MBD5: variants seen among roughly 807,000 people sequenced by gnomAD.
MBD5 encodes methyl-CpG binding domain protein 5.
Under a neutral mutation model 117.3 loss-of-function variants are expected in MBD5, and 13 were observed. That is an observed-to-expected ratio of 0.11 (90% confidence interval 0.07 to 0.18). The LOEUF (loss-of-function observed/expected upper bound fraction) is 0.18, where lower values mean the gene tolerates loss of function less well. Ranked by LOEUF, MBD5 falls within the 10% of genes least tolerant of loss-of-function variation. The probability of loss-of-function intolerance (pLI) is 1.00; values close to 1 mark genes in which losing one functional copy is unlikely to be tolerated. For missense variants in MBD5, 1,879 were observed against 2,093.8 expected, an observed-to-expected ratio of 0.90 and a Z score of 2.00; for synonymous variants, 727 against 766.4, an observed-to-expected ratio of 0.95 and a Z score of 0.85.
At chr2:148,046,739 A>G (rs1321641593) in intron 1 of MBD5, among the ~76,000 whole-genome samples, 2 of 152,128 alleles carry the variant, frequency 1.3e-5, no homozygotes, top group African/African-American at 2.4e-5. Flanking sequence ...TCCTTAGCTA[A>G]TTAATCTGCC....
chr2:148,354,069 A>G (rs2105253471), intron 4 of MBD5, among the ~76,000 whole-genome samples: 1 of 152,178 alleles, frequency 6.6e-6, no homozygotes, highest in East Asian at 1.9e-4. Flanking sequence ...TTGCATTTCT[A>G]AAATTAATGC....
At chr2:148,223,489 T>C (rs1163266820) in intron 2 of MBD5, among the ~76,000 whole-genome samples, 1 of 152,140 alleles carries the variant, frequency 6.6e-6, no homozygotes, top group Non-Finnish European at 1.5e-5. Context: ...AATCTTGGTA[T>C]GTTGTATTTT....
At chr2:148,093,905 A>G (rs1203201116) in intron 1 of MBD5, among the ~76,000 whole-genome samples, 2 of 152,188 alleles carry the variant, frequency 1.3e-5, no homozygotes, top group Non-Finnish European at 2.9e-5. Flanking sequence ...TACAAGAACT[A>G]CTTATTAAGT....
At chr2:148,274,511 C>T (rs1175755551) in intron 3 of MBD5, among the ~76,000 whole-genome samples, 2 of 151,868 alleles carry the variant, frequency 1.3e-5, no homozygotes, top group Non-Finnish European at 2.9e-5. Context: ...AGGCATAACC[C>T]GATATTTTAC....
chr2:148,110,105 C>A (rs925900358), intron 1 of MBD5, among the ~76,000 whole-genome samples: 2 of 152,086 alleles, frequency 1.3e-5, no homozygotes, highest in Admixed American at 6.5e-5. Context: ...GTAACAGTTA[C>A]AATTTACTAA....
chr2:148,056,766 G>GT (rs1232257273), intron 1 of MBD5, among the ~76,000 whole-genome samples: 7 of 151,800 alleles, frequency 4.6e-5, no homozygotes, highest in Non-Finnish European at 8.8e-5. Context: ...GAGTCCATAC[G>GT]TTTTTTCTAT....
chr2:148,269,151 G>A (rs1558998602), intron 3 of MBD5, among the ~76,000 whole-genome samples: 1 of 151,978 alleles, frequency 6.6e-6, no homozygotes, highest in Non-Finnish European at 1.5e-5. Context: ...TTAAAAGGGA[G>A]CAGCTTTTGT....
chr2:148,457,855 T>C (rs774337747), intron 4 of MBD5, among the ~76,000 whole-genome samples: 1 of 152,184 alleles, frequency 6.6e-6, no homozygotes. Context: ...CACAACTGTG[T>C]AGTTTACGGT....
intron 1 of MBD5, chr2:148,054,898 T>G (rs909272224): frequency 4.6e-5 from 7 of 152,196 alleles, no homozygotes; most frequent in Non-Finnish European, 7.3e-5. Context: ...TATGAGAGTT[T>G]CCATTGTTTT....
chr2:148,118,296 G>A (rs898326973), intron 1 of MBD5, among the ~76,000 whole-genome samples: 9 of 152,104 alleles, frequency 5.9e-5, no homozygotes, highest in African/African-American at 1.9e-4. Flanking sequence ...GCTTATTGCT[G>A]TAAGTCAATT....
At chr2:148,323,392 C>G (rs1702344445) in intron 3 of MBD5, among the ~76,000 whole-genome samples, 1 of 151,474 alleles carries the variant, frequency 6.6e-6, no homozygotes, top group African/African-American at 2.4e-5. Context: ...AATGGTATTT[C>G]TAGTTCTAGA....
intron 3 of MBD5, among the ~76,000 whole-genome samples, chr2:148,315,246 A>G (rs866535818): frequency 6.6e-6 from 1 of 152,284 alleles, no homozygotes; most frequent in Non-Finnish European, 1.5e-5. Context: ...CCTTGCTGAA[A>G]TCCCTCTTAC....
At chr2:148,320,825 A>G (rs1338173332) in intron 3 of MBD5, among the ~76,000 whole-genome samples, 1 of 152,050 alleles carries the variant, frequency 6.6e-6, no homozygotes, top group Non-Finnish European at 1.5e-5. Context: ...AATCTTTTGT[A>G]TTTCTGTGGT....
At chr2:148,107,461 C>T (rs193165552) in intron 1 of MBD5, among the ~76,000 whole-genome samples, 81 of 151,900 alleles carry the variant, frequency 5.3e-4, no homozygotes, top group African/African-American at 1.8e-3. Context: ...TAGCCTCTAC[C>T]TTCTCTCTTT....
At chr2:148,132,726 G>A (rs1343759788) in intron 1 of MBD5, among the ~76,000 whole-genome samples, 1 of 152,102 alleles carries the variant, frequency 6.6e-6, no homozygotes, top group African/African-American at 2.4e-5. Context: ...TTAGCTCAAT[G>A]AGGGTAGGCT....
In MBD5 at chr2:148,037,897, G is replaced by A. The variant is rs1297599255; in HGVS notation, c.-925+16213G>A. On this transcript the variant is annotated intron_variant, in intron 1 of 13. Coordinates refer to ENST00000642680, the MANE Select transcript of MBD5 (RefSeq NM_001378120.1). ...AGACCAATACTAAGGAAATATTTAT[G>A]AGTGATATACATTACAAAAGAACAA... 5.3e-5 allele frequency among the ~76,000 whole-genome samples: 8 copies of A among 152,048 alleles called. No individual in the cohort carries two copies. In the East Asian group the frequency reaches 1.5e-3, roughly 29 times the overall value.
rs535347672 is a variant in MBD5, at chr2:148,025,826, A to G, written c.-925+4142A>G. 5.3e-5 allele frequency: 8 copies of G among 152,264 alleles called. No individual in the cohort carries two copies. The East Asian group carries it at 1.5e-3, about 29-fold the overall frequency. The allele number at this position is 152,264 out of a possible 1,614,324, so 9.4% of individuals were successfully genotyped here. On this transcript the variant is annotated intron_variant, in intron 1 of 13. Coordinates refer to ENST00000642680, the MANE Select transcript of MBD5 (RefSeq NM_001378120.1). ...CAAAATCCTCATAAGAAACTTCCCA[A>G]TTCTAGTTCTAAGTCAGTTGTAATT...
chr2:148,097,076 A>C (rs963330880), intron 1 of MBD5, among the ~76,000 whole-genome samples: 1 of 152,166 alleles, frequency 6.6e-6, no homozygotes, highest in Admixed American at 6.5e-5. Context: ...TATAAAAAGG[A>C]ATATTATATA....
chr2:148,316,069 C>T (rs1702149710), intron 3 of MBD5, among the ~76,000 whole-genome samples: 1 of 152,120 alleles, frequency 6.6e-6, no homozygotes, highest in Admixed American at 6.5e-5. Flanking sequence ...AGCAAAGAGG[C>T]TGGTGCTACA....
Sources: allele counts gnomAD v4.1 joint callset (sites outside exome capture counted in the v4.1 genomes callset), GRCh38; gene constraint gnomAD v4.1.1; transcripts MANE v1.5; gene names NCBI Gene and HGNC (gene_info 2026-07-23, HGNC 2026-07-21).